The following DOCK9 variants were observed in gnomAD, a reference collection of about 807,000 sequenced individuals.
DOCK9 encodes the protein dedicator of cytokinesis 9.
A neutral mutation model predicts 263.3 loss-of-function variants in DOCK9; 89 were observed. The observed-to-expected ratio is 0.34, with a 90% CI of 0.28 to 0.40. The LOEUF (loss-of-function observed/expected upper bound fraction) is 0.40. Among genes scored for constraint, DOCK9 ranks in the 10% least tolerant of loss-of-function variants. DOCK9 has a pLI of 1.00. For missense variants in DOCK9, 2,140 were observed against 2,603.4 expected, an observed-to-expected ratio of 0.82 and a Z score of 3.87; for synonymous variants, 976 against 973.1, an observed-to-expected ratio of 1.00 and a Z score of -0.06.
chr13:98,830,921 C>T (rs895391804), intron 41 of DOCK9, among the ~76,000 whole-genome samples: 5 of 152,210 alleles, frequency 3.3e-5, no homozygotes, highest in African/African-American at 1.2e-4. Flanking sequence ...CAAGTTTGGT[C>T]ATTATCTTGG....
At chr13:98,830,569 T>A (rs181396716) in intron 41 of DOCK9, among the ~76,000 whole-genome samples, 1 of 152,214 alleles carries the variant, frequency 6.6e-6, no homozygotes, top group African/African-American at 2.4e-5. Context: ...GTTCCCCAGA[T>A]GGGTGCTTCC....
intron 34 of DOCK9, chr13:98,854,474 T>C (rs1335261218): frequency 1.3e-5 from 2 of 152,032 alleles, no homozygotes; most frequent in African/African-American, 4.8e-5. Context: ...TATTTTCATT[T>C]ACAAAAAAAT....
Position 98,867,411 on chromosome 13 carries a change from TA to T in DOCK9, c.3286+13del. On this transcript the variant is annotated intron_variant, in intron 30 of 52. Coordinates refer to ENST00000682017, the MANE Select transcript of DOCK9 (RefSeq NM_001366683.2). ...CTGTTTGTGAAAAGGTTAATAGAAA[TA>T]AAGATGGATTACCTTGGTATCTTTG... The T allele has an allele frequency of 1.4e-6, 2 of 1,400,644 alleles. No homozygotes were observed. Among genetic ancestry groups the T allele is most frequent in the Non-Finnish European group, 2.0e-6 (2 of 997,670 alleles). 86.8% of individuals were successfully genotyped at this position (1,400,644 alleles called of 1,614,324 possible).
At chr13:98,888,249 A>C (rs2046102117) in intron 17 of DOCK9, 26 bp from the exon 18 acceptor site, 1 of 1,604,618 alleles carries the variant, frequency 6.2e-7, no homozygotes, top group Non-Finnish European at 8.5e-7. Flanking sequence ...AAACAGAATA[A>C]GAAAAAACAA....
At chr13:98,963,643 G>T (rs1460045030) in intron 1 of DOCK9, among the ~76,000 whole-genome samples, 1 of 152,188 alleles carries the variant, frequency 6.6e-6, no homozygotes, top group Non-Finnish European at 1.5e-5. Flanking sequence ...TTTAAGAAAT[G>T]AGAAATTCGT....
intron 1 of DOCK9, chr13:99,025,171 C>T (rs1886569339): frequency 6.6e-6 from 1 of 152,164 alleles, no homozygotes; most frequent in South Asian, 2.1e-4. Flanking sequence ...AAACTATCCT[C>T]CACATAAGAA....
Position 98,810,418 on chromosome 13 carries a change from C to T in DOCK9, c.5131-127G>A, listed in dbSNP as rs1380825631. 3 of 1,131,830 alleles carry T rather than the reference C, an allele frequency of 2.7e-6. No individual in the cohort carries two copies. The African/African-American group carries it at 4.6e-5, about 17-fold the overall frequency. The allele number at this position is 1,131,830 out of a possible 1,614,324, so 70.1% of individuals were successfully genotyped here. ...TTTCACAATAGACAACATGCATCAACACTCACTTCCACACTTACAACAACA... is the reference window on the plus strand; with the variant it reads ...TTTCACAATAGACAACATGCATCAATACTCACTTCCACACTTACAACAACA... On this transcript the variant is annotated intron_variant, in intron 45 of 52. Coordinates refer to ENST00000682017, the MANE Select transcript of DOCK9 (RefSeq NM_001366683.2).
intron 1 of DOCK9, among the ~76,000 whole-genome samples, chr13:99,083,314 T>C (rs1294946373): frequency 6.6e-6 from 1 of 151,942 alleles, no homozygotes; most frequent in Non-Finnish European, 1.5e-5. Flanking sequence ...TGACAAGGCC[T>C]ACAAAGCTTT....
Position 98,933,546 on chromosome 13 carries a change from A to T in DOCK9, c.244-3289T>A, listed in dbSNP as rs760888441. Among the ~76,000 whole-genome samples, 41 of 152,226 alleles carry T rather than the reference A, an allele frequency of 2.7e-4. 1 individual carries two copies. Among genetic ancestry groups the T allele is most frequent in the Admixed American group, 1.7e-3 (26 of 15,286 alleles). Reference sequence around the variant, plus strand: ...CATTACTCATCAATTCCTAACCTTGATGTTAACAAAGAATAGTTTTCTGAC... The same window carrying T: ...CATTACTCATCAATTCCTAACCTTGTTGTTAACAAAGAATAGTTTTCTGAC... On this transcript the variant is annotated intron_variant, in intron 2 of 52. Coordinates refer to ENST00000682017, the MANE Select transcript of DOCK9 (RefSeq NM_001366683.2).
At chr13:98,897,448 T>C in intron 15 of DOCK9, 40 bp downstream of exon 15, 1 of 1,610,524 alleles carries the variant, frequency 6.2e-7, no homozygotes, top group Non-Finnish European at 8.5e-7. Context: ...ACTACACAGC[T>C]TCTATTTTTC....
rs1301097128 is a variant in DOCK9 at position 98,805,135 on chromosome 13, T to C, written c.5589A>G (p.Lys1863=). ...ACTCTGTTTTCCTTTCTTGCAACTCTTTTTCGTCAAAGAAGGGGATGACGT... is the reference window on the plus strand; with the variant it reads ...ACTCTGTTTTCCTTTCTTGCAACTCCTTTTCGTCAAAGAAGGGGATGACGT... The part of the protein sequence containing the change: ...VTHVIPFFDE[K]ELQERKTEFE... Residue 1863 remains lysine, a synonymous_variant, in exon 49 of 53, where the codon AAA becomes AAG. Coordinates refer to ENST00000682017, the MANE Select transcript of DOCK9 (RefSeq NM_001366683.2). The C allele has an allele frequency of 3.1e-6, 5 of 1,609,242 alleles. No homozygotes were observed. The highest frequency in any genetic ancestry group is 4.2e-6 in the Non-Finnish European group (5 of 1,177,554).
At chr13:98,845,837 T>C in intron 38 of DOCK9, 87 bp downstream of exon 38, 1 of 1,517,364 alleles carries the variant, frequency 6.6e-7, no homozygotes, top group Non-Finnish European at 8.9e-7. Context: ...ATTGAGTTGG[T>C]GATGTGGTAG....
chr13:98,959,975 C>T (rs751680089), intron 1 of DOCK9, among the ~76,000 whole-genome samples: 33 of 152,322 alleles, frequency 2.2e-4, no homozygotes, highest in Non-Finnish European at 4.0e-4. Flanking sequence ...GGACAGCCCA[C>T]TAGGGTAGGG....
At chr13:98,865,699 G>A (rs566450049) in intron 30 of DOCK9, among the ~76,000 whole-genome samples, 17 of 152,292 alleles carry the variant, frequency 1.1e-4, no homozygotes, top group African/African-American at 4.1e-4. Flanking sequence ...TGTACCAGGT[G>A]GAAGGAAGGA....
At chr13:98,877,541 G>A (rs889627780) in intron 27 of DOCK9, among the ~76,000 whole-genome samples, 14 of 152,048 alleles carry the variant, frequency 9.2e-5, no homozygotes, top group South Asian at 2.1e-4. Flanking sequence ...TAAGCTTTCC[G>A]CCAAAACCAC....
chr13:98,895,433 G>A (rs1015886731), intron 15 of DOCK9, among the ~76,000 whole-genome samples: 9 of 152,154 alleles, frequency 5.9e-5, no homozygotes, highest in Non-Finnish European at 1.0e-4. Flanking sequence ...TTGGGAGGCT[G>A]AGGCGGGCAG....
At chr13:98,936,657 A>G (rs923267892) in intron 2 of DOCK9, among the ~76,000 whole-genome samples, 71 of 151,962 alleles carry the variant, frequency 4.7e-4, no homozygotes, top group Non-Finnish European at 9.6e-4. Context: ...AAAAGAATGA[A>G]TAAAGCAGTC....
At position 98,944,328 on chromosome 13, in the gene DOCK9, G is replaced by A. The variant is rs774471497; in HGVS notation, c.243+11107C>T. ...ATGTCAACTACCCACTTAATCCTAG[G>A]TTTTCCTGAGCACAATATGGAGCAA... On this transcript the variant is annotated intron_variant, in intron 2 of 52. Transcript: ENST00000682017. Among the ~76,000 whole-genome samples, 26 of 123,622 alleles carry A rather than the reference G, an allele frequency of 2.1e-4. No homozygotes were observed. The Middle Eastern group carries it at 0.03, about 143-fold the overall frequency. The allele number at this position is 123,622 out of a possible 152,430, so 81.1% of individuals were successfully genotyped here. A position where few individuals can be genotyped will look rare whatever the true frequency, so the allele number is the denominator to read the frequency against.
intron 1 of DOCK9, among the ~76,000 whole-genome samples, chr13:99,047,240 T>G (rs1294324253): frequency 6.6e-6 from 1 of 152,198 alleles, no homozygotes; most frequent in Non-Finnish European, 1.5e-5. Flanking sequence ...GTACATATTT[T>G]TTATTTCCTC....
Sources: gnomAD v4.1 joint callset for allele counts (sites outside exome capture counted in the v4.1 genomes callset) on GRCh38, gnomAD v4.1.1 for gene constraint, MANE v1.5 for transcripts, NCBI Gene and HGNC (gene_info 2026-07-23, HGNC 2026-07-21) for gene names.